Variants in TRIO observed in about 807,000 individuals in gnomAD.
TRIO encodes the protein triple functional domain protein.
Under a neutral mutation model 351.9 loss-of-function variants are expected in TRIO, and 58 were observed. The ratio of observed to expected loss-of-function variants is 0.16; its 90% confidence interval spans 0.13 to 0.21. TRIO has a LOEUF of 0.21. Ranked by LOEUF, TRIO falls within the 10% of genes least tolerant of loss-of-function variation. The pLI is 1.00. For missense variants in TRIO, 3,201 were observed against 4,027.8 expected, an observed-to-expected ratio of 0.79 and a Z score of 5.56; for synonymous variants, 1,758 against 1,595.7, an observed-to-expected ratio of 1.10 and a Z score of -2.42.
intron 7 of TRIO, among the ~76,000 whole-genome samples, chr5:14,304,056 C>A (rs1738152841): frequency 6.6e-6 from 1 of 152,074 alleles, no homozygotes; most frequent in Non-Finnish European, 1.5e-5. Flanking sequence ...GCTATTGAGC[C>A]CTAGTTAAGG....
chr5:14,190,945 A>G (rs543091066), intron 1 of TRIO, among the ~76,000 whole-genome samples: 1 of 152,168 alleles, frequency 6.6e-6, no homozygotes, highest in Non-Finnish European at 1.5e-5. Context: ...TCCCTCATGC[A>G]TTAGGTAATG....
intron 16 of TRIO, among the ~76,000 whole-genome samples, 194 bp downstream of exon 16, chr5:14,367,173 G>A (rs1355198098): frequency 6.6e-6 from 1 of 152,150 alleles, no homozygotes; most frequent in Non-Finnish European, 1.5e-5. Context: ...GTGCCACGGT[G>A]AGGTGAGGAT....
intron 1 of TRIO, among the ~76,000 whole-genome samples, chr5:14,253,283 T>A (rs1234610905): frequency 2.0e-5 from 3 of 152,258 alleles, no homozygotes; most frequent in African/African-American, 7.2e-5. Context: ...CATACATACT[T>A]TACTAGTACA....
intron 2 of TRIO, 151 bp from the exon 3 acceptor site, chr5:14,280,171 T>C: frequency 1.5e-6 from 1 of 676,158 alleles, no homozygotes; most frequent in South Asian, 1.8e-5. Flanking sequence ...GGATGACATG[T>C]CCTCACTGTG....
At chr5:14,213,075 T>C (rs1331907790) in intron 1 of TRIO, among the ~76,000 whole-genome samples, 2 of 152,158 alleles carry the variant, frequency 1.3e-5, no homozygotes, top group Non-Finnish European at 2.9e-5. Flanking sequence ...TTCTTCCTGC[T>C]CCTAGAGGTT....
At chr5:14,330,001 A>T (rs1160701578) in intron 9 of TRIO, among the ~76,000 whole-genome samples, 1 of 152,226 alleles carries the variant, frequency 6.6e-6, no homozygotes, top group Non-Finnish European at 1.5e-5. Context: ...TTAAAACCAC[A>T]TAAAAGTGGA....
chr5:14,174,337 C>T (rs1361804985), intron 1 of TRIO, among the ~76,000 whole-genome samples: 1 of 152,190 alleles, frequency 6.6e-6, no homozygotes, highest in Non-Finnish European at 1.5e-5. Flanking sequence ...TATAACCCCA[C>T]CTCACCCCAA....
At position 14,336,697 on chromosome 5, in the gene TRIO, G is replaced by A; in HGVS notation, c.2016G>A (p.Met672Ile). ...AGCAGCGAAAGATCCTACTGGACAT[G>A]TCAGTGTCCTTTCACACCCATGTGA... ...RVEQRKILLD[M>I]SVSFHTHVKE... Residue 672 changes from methionine to isoleucine, a missense_variant, in exon 11 of 57, where the codon ATG (methionine) becomes ATA (isoleucine). Around this residue, in one of 19 missense-constraint regions of TRIO, gnomAD observed 363 missense variants for 553.5 expected, o/e 0.66. Coordinates refer to ENST00000344204, the MANE Select transcript of TRIO (RefSeq NM_007118.4). 2 of 1,614,246 alleles carry A rather than the reference G, an allele frequency of 1.2e-6. No homozygotes were observed. The highest frequency in any genetic ancestry group is 2.7e-5 in the African/African-American group (2 of 75,068).
intron 1 of TRIO, among the ~76,000 whole-genome samples, chr5:14,159,816 C>T (rs149302): frequency 0.23 from 35,403 of 152,102 alleles, 4,393 homozygotes; most frequent in East Asian, 0.47. Flanking sequence ...CTGCCCGCCT[C>T]GGCCTCCCAA....
Position 14,286,807 on chromosome 5 carries a change from A to C in TRIO, c.348-64A>C. ...AGCTGGGTCTGTGGCACCCAGTGGG[A>C]CTCTGACCAGGCAGAGTGGCAAGAG... On this transcript the variant is annotated intron_variant, in intron 3 of 56. Coordinates refer to ENST00000344204, the MANE Select transcript of TRIO (RefSeq NM_007118.4). This position sits in a 1 kb window ranked among gnomAD's most constrained non-coding sequence, Gnocchi z 4.4. 1.3e-6 allele frequency: 2 copies of C among 1,545,248 alleles called. No individual in the cohort carries two copies. The highest frequency in any genetic ancestry group is 2.3e-5 in the East Asian group (1 of 44,296).
intron 1 of TRIO, among the ~76,000 whole-genome samples, chr5:14,193,775 C>T (rs934637854): frequency 1.3e-5 from 2 of 152,214 alleles, no homozygotes; most frequent in Non-Finnish European, 2.9e-5. Flanking sequence ...GACTAATTTA[C>T]GCGAAACTGG....
intron 8 of TRIO, among the ~76,000 whole-genome samples, chr5:14,308,785 C>G (rs1163469718): frequency 1.9e-4 from 1 of 5,216 alleles, no homozygotes; most frequent in Non-Finnish European, 3.4e-4. Flanking sequence ...ATCTATCCAA[C>G]CAACCACCCA....
At chr5:14,272,524 AAAC>A (rs1796034428) in intron 2 of TRIO, among the ~76,000 whole-genome samples, 1 of 152,268 alleles carries the variant, frequency 6.6e-6, no homozygotes, top group Admixed American at 6.5e-5. Flanking sequence ...TTAATCAAAG[AAAC>A]AAAATCGGCA....
rs1211492202 is a variant in TRIO at position 14,253,269 on chromosome 5, A to G, written c.158-17556A>G. 3.3e-5 allele frequency among the ~76,000 whole-genome samples: 5 copies of G among 152,256 alleles called. No individual in the cohort carries two copies. The South Asian group carries it at 1.0e-3, about 31-fold the overall frequency. ...AAATGCCTATTTAGGGGTATGTGTC[A>G]CTGCATACATACTTTACTAGTACAG... On this transcript the variant is annotated intron_variant, in intron 1 of 56. Coordinates refer to ENST00000344204, the MANE Select transcript of TRIO (RefSeq NM_007118.4).
chr5:14,336,943 G>T (rs548090935), intron 11 of TRIO, among the ~76,000 whole-genome samples: 21 of 152,280 alleles, frequency 1.4e-4, no homozygotes, highest in African/African-American at 5.1e-4. Context: ...CTTTGCTGGG[G>T]CTTTCCATAA....
intron 2 of TRIO, among the ~76,000 whole-genome samples, chr5:14,274,780 A>C (rs1735354138): frequency 1.3e-5 from 2 of 152,160 alleles, no homozygotes; most frequent in African/African-American, 2.4e-5. Flanking sequence ...TGATGTTTTG[A>C]TTCATTACAC....
At chr5:14,291,678 A>G (rs1415963935) in intron 5 of TRIO, among the ~76,000 whole-genome samples, 3 of 150,654 alleles carry the variant, frequency 2.0e-5, no homozygotes, top group African/African-American at 7.3e-5. Context: ...AATCCCAGCT[A>G]CTCAGGAGGC....
chr5:14,218,951 A>G (rs879713956), intron 1 of TRIO, among the ~76,000 whole-genome samples: 1 of 152,194 alleles, frequency 6.6e-6, no homozygotes, highest in Admixed American at 6.5e-5. Context: ...TGAGCTAGGG[A>G]AGCTGTTGCT....
intron 1 of TRIO, among the ~76,000 whole-genome samples, chr5:14,221,519 AT>A (rs1225679332): frequency 6.6e-6 from 1 of 152,236 alleles, no homozygotes; most frequent in Non-Finnish European, 1.5e-5. Flanking sequence ...AACATTTGTG[AT>A]TCATGGGAGG....
Sources: allele counts gnomAD v4.1 joint callset (sites outside exome capture counted in the v4.1 genomes callset), GRCh38; gene constraint gnomAD v4.1.1; regional missense constraint gnomAD v4.1.1; non-coding constraint Gnocchi (gnomAD v3.1); transcripts MANE v1.5; gene names NCBI Gene and HGNC (gene_info 2026-07-23, HGNC 2026-07-21).